Variants in WDR35 observed in about 807,000 individuals in gnomAD.
The protein encoded by WDR35 is WD repeat domain 35.
Under a neutral mutation model 158.3 loss-of-function variants are expected in WDR35, and 118 were observed. That is an observed-to-expected ratio of 0.75 (90% CI 0.64 to 0.87). WDR35 has a LOEUF of 0.87. Ranked by LOEUF, WDR35 falls within the 40% of genes least tolerant of loss-of-function variation. The probability of loss-of-function intolerance (pLI) is 0.00; values close to 1 mark genes in which losing one functional copy is unlikely to be tolerated. For synonymous variants in WDR35, 448 were observed against 476.1 expected, an observed-to-expected ratio of 0.94 and a Z score of 0.77; for missense variants, 1,263 against 1,405.8, an observed-to-expected ratio of 0.90 and a Z score of 1.62.
At chr2:19,937,121 A>C (rs1219659599) in intron 19 of WDR35, among the ~76,000 whole-genome samples, 2 of 152,220 alleles carry the variant, frequency 1.3e-5, no homozygotes, top group Non-Finnish European at 2.9e-5. Context: ...AATAACATTA[A>C]TGAAGATGAG....
rs756217028 is a variant in WDR35, at chr2:19,938,347, G to A, written c.1981C>T (p.Arg661Ter). Residue 661 changes from arginine to a stop codon, truncating the protein, a stop_gained, in exon 18 of 27, where the codon CGA becomes TGA. Coordinates refer to ENST00000281405, the MANE Select transcript of WDR35 (RefSeq NM_020779.4). LOFTEE classifies it high-confidence loss of function. Reference protein sequence around the residue: ...YLINFEIRSLRDSRALIEKVG... With the variant: ...YLINFEIRSL Reference sequence around the variant, plus strand: ...TTCTCAATCAGTGCTCGGCTATCTCGCAGAGACCGAATCTCAAAGTTAATT... The same window carrying A: ...TTCTCAATCAGTGCTCGGCTATCTCACAGAGACCGAATCTCAAAGTTAATT... 8 of 1,613,842 alleles carry A rather than the reference G, an allele frequency of 5.0e-6. No individual in the cohort carries two copies. Among genetic ancestry groups the A allele is most frequent in the African/African-American group, 1.3e-5 (1 of 74,886 alleles).
At chr2:19,973,264 A>G (rs1349402173) in intron 8 of WDR35, among the ~76,000 whole-genome samples, 1 of 152,152 alleles carries the variant, frequency 6.6e-6, no homozygotes, top group Non-Finnish European at 1.5e-5. Flanking sequence ...GCTGGCTATG[A>G]AAAGAGACAC....
intron 7 of WDR35, 149 bp from the exon 8 acceptor site, chr2:19,973,857 C>A (rs1430973997): frequency 9.5e-6 from 11 of 1,156,312 alleles, no homozygotes; most frequent in Non-Finnish European, 1.1e-5. Context: ...CCTATAATCC[C>A]AACACTTTAG....
chr2:19,969,357 TCA>T, intron 9 of WDR35, 121 bp downstream of exon 9: 1 of 1,049,140 alleles, frequency 9.5e-7, no homozygotes. Flanking sequence ...TCTAAAATCT[TCA>T]CACAAAAAGG....
intron 1 of WDR35, among the ~76,000 whole-genome samples, chr2:19,989,580 C>T (rs967566273): frequency 6.6e-6 from 1 of 152,180 alleles, no homozygotes; most frequent in Non-Finnish European, 1.5e-5. Flanking sequence ...TAAATCCATA[C>T]CACCAGTCCC....
intron 25 of WDR35, among the ~76,000 whole-genome samples, chr2:19,928,748 T>G (rs1416699183): frequency 6.6e-6 from 1 of 152,082 alleles, no homozygotes; most frequent in Non-Finnish European, 1.5e-5. Context: ...GGCAGCATAA[T>G]AAGTGAGTTT....
At chr2:19,960,356 T>G (rs984484025) in intron 11 of WDR35, among the ~76,000 whole-genome samples, 198 bp downstream of exon 11, 2 of 152,222 alleles carry the variant, frequency 1.3e-5, no homozygotes, top group Middle Eastern at 6.8e-3. Flanking sequence ...CCAGGATACT[T>G]TTGAGAGTAA....
chr2:19,933,195 GGT>G (rs1169971397), intron 22 of WDR35, among the ~76,000 whole-genome samples: 1 of 152,180 alleles, frequency 6.6e-6, no homozygotes, highest in Non-Finnish European at 1.5e-5. Flanking sequence ...CACCCCTCAT[GGT>G]AGCACTTTAA....
intron 8 of WDR35, among the ~76,000 whole-genome samples, chr2:19,972,320 T>C (rs1266098858): frequency 6.6e-6 from 1 of 152,202 alleles, no homozygotes; most frequent in Non-Finnish European, 1.5e-5. Flanking sequence ...CACTTACAGT[T>C]TTCCGTTTAA....
rs766096320 is a variant in WDR35 at position 19,945,935 on chromosome 2, T to TTA, written c.1694_1695dup (p.Thr566Ter). ...ACTACTTGCTGTCCCGTACTGTCCGTTACTCGAGCATCCAAGTCAAAGAAA... is the reference window on the plus strand; with the variant it reads ...ACTACTTGCTGTCCCGTACTGTCCGTTATACTCGAGCATCCAAGTCAAAGAAA... On this transcript the variant is annotated frameshift_variant, in exon 16 of 27. Coordinates refer to ENST00000281405, the MANE Select transcript of WDR35 (RefSeq NM_020779.4). LOFTEE classifies it high-confidence loss of function. 37 of 1,613,850 alleles carry TTA rather than the reference T, an allele frequency of 2.3e-5. No individual in the cohort carries two copies. The highest frequency in any genetic ancestry group is 1.7e-6 in the Non-Finnish European group (2 of 1,179,878).
At chr2:19,981,671 C>A (rs1006880470) in intron 3 of WDR35, among the ~76,000 whole-genome samples, 1 of 152,102 alleles carries the variant, frequency 6.6e-6, no homozygotes, top group East Asian at 1.9e-4. Flanking sequence ...GCACACAGCA[C>A]CACGCCTGGT....
At position 19,969,748 on chromosome 2, in the gene WDR35, AT is replaced by A. The variant is rs61079224; in HGVS notation, c.883-144del. ...GTCACTTTAAAATCATGTTTCTTGA[AT>A]TTTTTTTTTTTTTTTTGAGACGGAA... On this transcript the variant is annotated intron_variant, in intron 8 of 26. Coordinates refer to ENST00000281405, the MANE Select transcript of WDR35 (RefSeq NM_020779.4). 107,092 of 607,660 alleles carry A rather than the reference AT, an allele frequency of 0.18. 1,548 individuals are homozygous for A. The highest frequency in any genetic ancestry group is 0.26 in the South Asian group (11,889 of 46,484). The allele number at this position is 607,660 out of a possible 1,614,324, so 37.6% of individuals were successfully genotyped here.
At chr2:19,931,115 C>T (rs1226671723) in intron 24 of WDR35, among the ~76,000 whole-genome samples, 154 bp downstream of exon 24, 1 of 151,850 alleles carries the variant, frequency 6.6e-6, no homozygotes, top group East Asian at 1.9e-4. Flanking sequence ...AATACTAATT[C>T]TAAATCAGTC....
intron 11 of WDR35, among the ~76,000 whole-genome samples, chr2:19,955,339 T>C (rs1332768839): frequency 6.6e-6 from 1 of 152,216 alleles, no homozygotes; most frequent in African/African-American, 2.4e-5. Context: ...TAATTTTTAA[T>C]ATTCCTAATA....
chr2:19,924,518 C>T (rs545007202), intron 25 of WDR35, among the ~76,000 whole-genome samples: 2 of 152,224 alleles, frequency 1.3e-5, no homozygotes, highest in East Asian at 3.9e-4. Flanking sequence ...GAGCCGAGAT[C>T]GCGCCACTGC....
At chr2:19,933,730 A>C (rs575545197) in intron 21 of WDR35, among the ~76,000 whole-genome samples, 1 of 152,246 alleles carries the variant, frequency 6.6e-6, no homozygotes, top group East Asian at 1.9e-4. Flanking sequence ...TGTGGATCTG[A>C]TTTTTAACGA....
chr2:19,950,659 G>C (rs1381582461), intron 13 of WDR35, among the ~76,000 whole-genome samples: 1 of 152,072 alleles, frequency 6.6e-6, no homozygotes, highest in Non-Finnish European at 1.5e-5. Context: ...ACACTTAATA[G>C]ACATTCAAAA....
chr2:19,947,937 T>C (rs193300522), intron 14 of WDR35, among the ~76,000 whole-genome samples: 94 of 152,256 alleles, frequency 6.2e-4, no homozygotes, highest in Admixed American at 5.1e-3. Context: ...CAGTAAAACT[T>C]GGGGTGCCCA....
intron 10 of WDR35, among the ~76,000 whole-genome samples, chr2:19,963,210 T>C (rs12613209): frequency 0.094 from 14,267 of 152,168 alleles, 782 homozygotes; most frequent in South Asian, 0.2. Flanking sequence ...GAATTTAGGG[T>C]TCAGTATGTT....
Sources: allele counts gnomAD v4.1 joint callset (sites outside exome capture counted in the v4.1 genomes callset), GRCh38; gene constraint gnomAD v4.1.1; transcripts MANE v1.5; gene names NCBI Gene and HGNC (gene_info 2026-07-23, HGNC 2026-07-21).